PFKFB3: variants seen among roughly 807,000 people sequenced by gnomAD.
The protein encoded by PFKFB3 is 6-phosphofructo-2-kinase/fructose-2,6-bisphosphatase 3.
In PFKFB3, 33 loss-of-function variants were observed where a neutral mutation model predicts 68.0. The observed-to-expected ratio is 0.49, with a 90% CI of 0.37 to 0.65. The LOEUF is 0.65. PFKFB3 is among the 30% of genes least tolerant of loss of function. The probability of loss-of-function intolerance (pLI) is 0.00; values close to 1 mark genes in which losing one functional copy is unlikely to be tolerated. For missense variants in PFKFB3, 586 were observed against 712.2 expected (o/e 0.82, Z 2.02); for synonymous variants, 315 against 288.2 (o/e 1.09, Z -0.94).
the PFKFB3 span, among the ~76,000 whole-genome samples, chr10:6,268,379 C>T: frequency 2.6e-5 from 4 of 152,050 alleles, no homozygotes; most frequent in African/African-American, 9.7e-5. Context: ...AGGCTAGGCA[C>T]GGTGGCTCAT....
chr10:6,198,642 C>G (rs923816650), upstream of PFKFB3, among the ~76,000 whole-genome samples: 2 of 152,128 alleles, frequency 1.3e-5, no homozygotes, highest in Admixed American at 6.5e-5. Context: ...ACCACCACAC[C>G]CAGCTAATTT....
intron 1 of PFKFB3, among the ~76,000 whole-genome samples, chr10:6,172,224 C>A (rs528734018): frequency 6.6e-6 from 1 of 152,214 alleles, no homozygotes; most frequent in Non-Finnish European, 1.5e-5. Context: ...TTCTGCAGCC[C>A]ACGTCGGGAG....
chr10:6,296,465 T>C, the PFKFB3 span, among the ~76,000 whole-genome samples: 1 of 152,206 alleles, frequency 6.6e-6, no homozygotes, highest in Non-Finnish European at 1.5e-5. Flanking sequence ...GCAAGTTTAT[T>C]AAGAAAGTGA....
In PFKFB3 at chr10:6,154,898, C is replaced by A. The variant is rs556017552; in HGVS notation, c.16+9885C>A. Among the ~76,000 whole-genome samples, 2 of 152,192 alleles carry A rather than the reference C, an allele frequency of 1.3e-5. No homozygotes were observed. The highest frequency in any genetic ancestry group is 1.3e-4 in the Admixed American group (2 of 15,280). ...GCCCGCACTGCCACAGCAGCTGCAC[C>A]TCCTCTAGGCCCTGTCCTTGGTAGA... is the stretch of plus-strand genomic sequence containing the variant. On this transcript the variant is annotated intron_variant, in intron 1 of 14. Transcript: ENST00000379789. The surrounding 1 kb of genome is among the most constrained non-coding windows in gnomAD (Gnocchi z 4.6).
chr10:6,217,362 C>G (rs1421351514), intron 6 of PFKFB3, among the ~76,000 whole-genome samples, 171 bp downstream of exon 6: 1 of 152,208 alleles, frequency 6.6e-6, no homozygotes, highest in African/African-American at 2.4e-5. Context: ...CGGTTTTTAA[C>G]CCAGAGGCCT....
At chr10:6,163,256 T>C (rs1030149969) in intron 1 of PFKFB3, among the ~76,000 whole-genome samples, 1 of 152,140 alleles carries the variant, frequency 6.6e-6, no homozygotes, top group Admixed American at 6.5e-5. Context: ...TAAGAAAATA[T>C]CTCCAGAGAC....
intron 1 of PFKFB3, among the ~76,000 whole-genome samples, chr10:6,156,166 T>TGTGTGTG (rs1554840075): frequency 1.3e-5 from 2 of 151,430 alleles, no homozygotes; most frequent in African/African-American, 2.4e-5. Flanking sequence ...TGTGTGTGTA[T>TGTGTGTG]TTTTAGAGGC....
At chr10:6,246,129 C>T (rs1018420625) in intron 14 of PFKFB3, among the ~76,000 whole-genome samples, 4 of 152,158 alleles carry the variant, frequency 2.6e-5, no homozygotes, top group Non-Finnish European at 5.9e-5. Flanking sequence ...TGGGCCCAGG[C>T]TTCCTGAGGG....
intron 13 of PFKFB3, chr10:6,225,261 T>C: frequency 2.2e-6 from 1 of 453,874 alleles, no homozygotes; most frequent in Non-Finnish European, 4.4e-6. Context: ...GACTGTCTAG[T>C]CCCAGGAAGC....
chr10:6,219,625 C>G lies in PFKFB3; in HGVS notation c.555C>G (p.Asp185Glu), dbSNP rs545085751. ...YKDCNSAEAM[D>E]DFMKRISCYE... ...ACTGCAACTCGGCAGAAGCCATGGACGACTTCATGAAGAGGATCAGTTGCT... is the reference window on the plus strand; with the variant it reads ...ACTGCAACTCGGCAGAAGCCATGGAGGACTTCATGAAGAGGATCAGTTGCT... The change falls in exon 7 of 15, where the codon GAC (aspartate) becomes GAG (glutamate). Residue 185 changes from aspartate to glutamate, a missense_variant. Transcript: ENST00000379775. The G allele has an allele frequency of 6.2e-7, 1 of 1,613,810 alleles. No homozygotes were observed. Among genetic ancestry groups the G allele is most frequent in the Non-Finnish European group, 8.5e-7 (1 of 1,179,748 alleles).
At chr10:6,216,062 T>TG (rs1214120780) in intron 3 of PFKFB3, 63 bp from the exon 4 acceptor site, 1 of 1,454,212 alleles carries the variant, frequency 6.9e-7, no homozygotes, top group Admixed American at 1.7e-5. Flanking sequence ...TGTCGGGAGT[T>TG]GCTTGGGCTG....
intron 1 of PFKFB3, among the ~76,000 whole-genome samples, chr10:6,185,562 C>G (rs1271505267): frequency 6.6e-6 from 1 of 151,728 alleles, no homozygotes; most frequent in Non-Finnish European, 1.5e-5. Context: ...TGTGGTCCAG[C>G]CAGGGGCTCA....
chr10:6,268,708 T>TA, the PFKFB3 span, among the ~76,000 whole-genome samples: 1 of 151,012 alleles, frequency 6.6e-6, no homozygotes, highest in Non-Finnish European at 1.5e-5. Flanking sequence ...GGATCATACA[T>TA]TCACAAATTT....
downstream of PFKFB3, among the ~76,000 whole-genome samples, chr10:6,255,969 C>T (rs966633670): frequency 1.5e-4 from 23 of 152,168 alleles, no homozygotes; most frequent in African/African-American, 4.8e-4. Context: ...AAGCATTAGC[C>T]GCGTGCTTCA....
At chr10:6,324,520 G>T in the PFKFB3 span, among the ~76,000 whole-genome samples, 1 of 151,880 alleles carries the variant, frequency 6.6e-6, no homozygotes, top group East Asian at 1.9e-4. Context: ...TCTGCCTCCC[G>T]GGTTTGGGTG....
At chr10:6,212,501 C>G (rs770684000) in intron 1 of PFKFB3, among the ~76,000 whole-genome samples, 22 of 152,162 alleles carry the variant, frequency 1.4e-4, no homozygotes, top group Admixed American at 4.6e-4. Flanking sequence ...ACCGGCCCTT[C>G]CCTCGGCAGG....
intron 1 of PFKFB3, among the ~76,000 whole-genome samples, chr10:6,158,901 AC>A (rs1420668410): frequency 6.6e-6 from 1 of 152,070 alleles, no homozygotes; most frequent in Admixed American, 6.6e-5. Context: ...CCTACTCGAA[AC>A]CAGCAATACC....
chr10:6,187,949 T>TTCTATCTA (rs36144362), intron 1 of PFKFB3, among the ~76,000 whole-genome samples: 9,395 of 149,602 alleles, frequency 0.063, 440 homozygotes, highest in African/African-American at 0.13. Flanking sequence ...CCCTCTCCAT[T>TTCTATCTA]TCTATCTATC....
At chr10:6,167,209 C>T (rs1454957341) in intron 1 of PFKFB3, among the ~76,000 whole-genome samples, 1 of 152,256 alleles carries the variant, frequency 6.6e-6, no homozygotes, top group Non-Finnish European at 1.5e-5. Context: ...ACAGGAAGAG[C>T]TGAGGACTGG....
Sources: allele counts gnomAD v4.1 joint callset (sites outside exome capture counted in the v4.1 genomes callset), GRCh38; gene constraint gnomAD v4.1.1; non-coding constraint Gnocchi (gnomAD v3.1); transcripts MANE v1.5; gene names NCBI Gene and HGNC (gene_info 2026-07-23, HGNC 2026-07-21).